GRIK2: variants seen among roughly 807,000 people sequenced by gnomAD.
The protein encoded by GRIK2 is glutamate receptor ionotropic, kainate 2.
In GRIK2, 32 loss-of-function variants were observed where a neutral mutation model predicts 100.3. The observed-to-expected ratio is 0.32, with a 90% CI of 0.24 to 0.43. The LOEUF (loss-of-function observed/expected upper bound fraction) is 0.43. Ranked by LOEUF, GRIK2 falls within the 20% of genes least tolerant of loss-of-function variation. GRIK2 has a pLI of 1.00. For synonymous variants in GRIK2, 417 were observed against 389.4 expected (o/e 1.07, Z -0.83); for missense variants, 843 against 1,114.9 (o/e 0.76, Z 3.47).
intron 14 of GRIK2, among the ~76,000 whole-genome samples, chr6:102,034,600 T>C (rs1433784332): frequency 6.6e-6 from 1 of 151,436 alleles, no homozygotes; most frequent in Non-Finnish European, 1.5e-5. Flanking sequence ...TTTCTTCTTT[T>C]AGTAATAAAA....
chr6:101,503,276 G>C (rs190322754), intron 2 of GRIK2, among the ~76,000 whole-genome samples: 1 of 152,144 alleles, frequency 6.6e-6, no homozygotes, highest in African/African-American at 2.4e-5. Flanking sequence ...GTGAGGAAAA[G>C]GTATAAATAA....
intron 9 of GRIK2, among the ~76,000 whole-genome samples, chr6:101,804,107 A>G (rs1780836711): frequency 6.6e-6 from 1 of 151,972 alleles, no homozygotes; most frequent in South Asian, 2.1e-4. Context: ...GACCAATAAA[A>G]ATATAATTTC....
At chr6:101,611,544 A>C (rs1439083115) in intron 2 of GRIK2, among the ~76,000 whole-genome samples, 1 of 151,868 alleles carries the variant, frequency 6.6e-6, no homozygotes, top group Non-Finnish European at 1.5e-5. Flanking sequence ...GTATGCTTTG[A>C]TGAGATAACT....
chr6:102,068,715 C>A lies in GRIK2; in HGVS notation c.*204C>A. ...AGCATCATGGATCAACCAAGTTACACGGGGTTACACTGTTAATCATGGGTT... is the reference window on the plus strand; with the variant it reads ...AGCATCATGGATCAACCAAGTTACAAGGGGTTACACTGTTAATCATGGGTT... On this transcript the variant is annotated 3_prime_UTR_variant, in exon 17 of 17. Transcript: ENST00000369134. 1 of 468,584 alleles carries A rather than the reference C, an allele frequency of 2.1e-6. No homozygotes were observed. The allele number at this position is 468,584 out of a possible 1,614,324, so 29.0% of individuals were successfully genotyped here.
intron 2 of GRIK2, among the ~76,000 whole-genome samples, chr6:101,608,352 T>C (rs1250853004): frequency 6.6e-6 from 1 of 151,936 alleles, no homozygotes; most frequent in East Asian, 1.9e-4. Context: ...TATTGTAGAA[T>C]CTCCTCCCAG....
intron 2 of GRIK2, among the ~76,000 whole-genome samples, chr6:101,505,518 C>A (rs900003922): frequency 6.6e-6 from 1 of 152,046 alleles, no homozygotes; most frequent in South Asian, 2.1e-4. Flanking sequence ...TTATACCAGA[C>A]ATGGAAAACT....
At chr6:101,635,740 A>G (rs1780974097) in intron 4 of GRIK2, among the ~76,000 whole-genome samples, 1 of 152,218 alleles carries the variant, frequency 6.6e-6, no homozygotes, top group Non-Finnish European at 1.5e-5. Flanking sequence ...GCCAACAAAC[A>G]TATGAAAAAA....
At chr6:101,949,216 G>A (rs1412407869) in intron 14 of GRIK2, among the ~76,000 whole-genome samples, 1 of 150,942 alleles carries the variant, frequency 6.6e-6, no homozygotes, top group Non-Finnish European at 1.5e-5. Flanking sequence ...TTTTTTGTGG[G>A]TACCAACACT....
chr6:101,674,395 A>C (rs1443312689), intron 4 of GRIK2, among the ~76,000 whole-genome samples: 1 of 152,214 alleles, frequency 6.6e-6, no homozygotes, highest in Non-Finnish European at 1.5e-5. Flanking sequence ...ACTCTGGTTT[A>C]TTTATAAAAA....
chr6:101,996,939 T>G (rs1794682927), intron 14 of GRIK2, among the ~76,000 whole-genome samples: 1 of 152,182 alleles, frequency 6.6e-6, no homozygotes, highest in African/African-American at 2.4e-5. Context: ...TTAAAAATAT[T>G]ACTTTCAGTT....
At chr6:101,585,499 A>G (rs9498632) in intron 2 of GRIK2, among the ~76,000 whole-genome samples, 13,244 of 152,106 alleles carry the variant, frequency 0.087, 1,551 homozygotes, top group African/African-American at 0.27. Context: ...CAAGCAATTC[A>G]TATCCTCAAG....
At chr6:101,896,441 C>G (rs75581995) in intron 12 of GRIK2, among the ~76,000 whole-genome samples, 1,567 of 151,802 alleles carry the variant, frequency 0.01, 8 homozygotes, top group Non-Finnish European at 0.017. Context: ...TGTGCTTTTT[C>G]TGTAATTTTC....
chr6:101,643,896 A>G (rs893893860), intron 4 of GRIK2, among the ~76,000 whole-genome samples: 3 of 151,818 alleles, frequency 2.0e-5, no homozygotes, highest in African/African-American at 2.4e-5. Context: ...TTATTTGTCA[A>G]TTTATTAGTC....
chr6:101,498,136 T>C (rs376958489), intron 2 of GRIK2, among the ~76,000 whole-genome samples: 4 of 149,554 alleles, frequency 2.7e-5, no homozygotes, highest in African/African-American at 4.9e-5. Context: ...TTTGTCCTTG[T>C]GATAGTTTAC....
At chr6:101,764,845 C>G (rs902041561) in intron 7 of GRIK2, among the ~76,000 whole-genome samples, 1 of 152,098 alleles carries the variant, frequency 6.6e-6, no homozygotes, top group Non-Finnish European at 1.5e-5. Context: ...ACTTTAATAT[C>G]TTCCACTCAT....
chr6:101,678,025 G>A (rs1245239061), intron 5 of GRIK2, among the ~76,000 whole-genome samples: 1 of 152,066 alleles, frequency 6.6e-6, no homozygotes, highest in East Asian at 1.9e-4. Context: ...CTAGAGTCAA[G>A]ATTTATTTCA....
chr6:101,637,417 C>T (rs1582871499), intron 4 of GRIK2, among the ~76,000 whole-genome samples: 2 of 152,266 alleles, frequency 1.3e-5, no homozygotes, highest in East Asian at 3.9e-4. Context: ...GGGTTGCCCA[C>T]ATCAGATCCC....
chr6:101,494,122 T>A (rs1773303904), intron 2 of GRIK2, among the ~76,000 whole-genome samples: 1 of 150,162 alleles, frequency 6.7e-6, no homozygotes, highest in East Asian at 1.9e-4. Context: ...TATTAGTATA[T>A]TACATCCTAA....
At chr6:101,796,646 A>G (rs1780322945) in intron 7 of GRIK2, among the ~76,000 whole-genome samples, 1 of 152,194 alleles carries the variant, frequency 6.6e-6, no homozygotes, top group Admixed American at 6.5e-5. Flanking sequence ...AAGATATTTT[A>G]AACTGGGAAA....
Sources: gnomAD v4.1 joint callset for allele counts (sites outside exome capture counted in the v4.1 genomes callset) on GRCh38, gnomAD v4.1.1 for gene constraint, MANE v1.5 for transcripts, NCBI Gene and HGNC (gene_info 2026-07-23, HGNC 2026-07-21) for gene names.